The following PCDH15 variants were observed in gnomAD, a reference collection of about 807,000 sequenced individuals.
PCDH15 encodes protocadherin-15.
Under a neutral mutation model 178.5 loss-of-function variants are expected in PCDH15, and 129 were observed. The observed-to-expected ratio is 0.72, with a 90% confidence interval of 0.63 to 0.84. The LOEUF is 0.84. Among genes scored for constraint, PCDH15 ranks in the 40% least tolerant of loss-of-function variants. The probability of loss-of-function intolerance (pLI) is 0.00; values close to 1 mark genes in which losing one functional copy is unlikely to be tolerated. For missense variants in PCDH15, 2,230 were observed against 2,099.9 expected, an observed-to-expected ratio of 1.06 and a Z score of -1.21; for synonymous variants, 800 against 732.0, an observed-to-expected ratio of 1.09 and a Z score of -1.50.
intron 2 of PCDH15, chr10:55,599,565 A>G (rs1843023173): frequency 6.2e-6 from 1 of 160,026 alleles, no homozygotes. Context: ...TAGAAGCAAT[A>G]ATGTTAGTGT....
chr10:54,694,047 A>C (rs2095177367), intron 1 of PCDH15, among the ~76,000 whole-genome samples: 1 of 152,132 alleles, frequency 6.6e-6, no homozygotes, highest in African/African-American at 2.4e-5. Context: ...TCACCTATAA[A>C]ATTTGGGACA....
At chr10:55,337,466 C>T (rs1181200735) in intron 2 of PCDH15, among the ~76,000 whole-genome samples, 1 of 152,168 alleles carries the variant, frequency 6.6e-6, no homozygotes, top group Non-Finnish European at 1.5e-5. Context: ...CCATTTATTC[C>T]TTCTTCCAAT....
intron 2 of PCDH15, among the ~76,000 whole-genome samples, chr10:55,480,819 A>T (rs1393006992): frequency 6.6e-6 from 1 of 151,628 alleles, no homozygotes; most frequent in Non-Finnish European, 1.5e-5. Context: ...TATTTCTGTC[A>T]GGATTTGGTA....
At chr10:54,618,617 T>C (rs903105776) in intron 2 of PCDH15, among the ~76,000 whole-genome samples, 2 of 152,092 alleles carry the variant, frequency 1.3e-5, no homozygotes, top group African/African-American at 2.4e-5. Flanking sequence ...TGTATGTAAA[T>C]AGACATACAT....
chr10:55,594,026 C>G (rs1179065672), intron 2 of PCDH15, among the ~76,000 whole-genome samples: 2 of 151,836 alleles, frequency 1.3e-5, no homozygotes, highest in African/African-American at 4.8e-5. Flanking sequence ...GTGTCCTAAA[C>G]TGAAAAGTGT....
At chr10:55,614,772 T>C (rs1353153089) in intron 2 of PCDH15, among the ~76,000 whole-genome samples, 7 of 152,204 alleles carry the variant, frequency 4.6e-5, no homozygotes, top group African/African-American at 4.8e-5. Flanking sequence ...TTTATTTCTA[T>C]AGCTTTTTGT....
chr10:54,849,081 G>A (rs985243775), intron 3 of PCDH15, among the ~76,000 whole-genome samples: 2 of 151,706 alleles, frequency 1.3e-5, no homozygotes, highest in Non-Finnish European at 2.9e-5. Context: ...GCTAAATTAC[G>A]TGTTTCCCTT....
intron 2 of PCDH15, among the ~76,000 whole-genome samples, chr10:55,503,747 C>A (rs146627099): frequency 4.7e-4 from 71 of 151,416 alleles, no homozygotes; most frequent in African/African-American, 1.7e-3. Flanking sequence ...ATGAAAATTA[C>A]CACAATCCAG....
chr10:54,129,682 C>A (rs12266947), intron 15 of PCDH15, among the ~76,000 whole-genome samples: 2,605 of 152,170 alleles, frequency 0.017, 90 homozygotes, highest in African/African-American at 0.058. Context: ...AGCTCCCTGG[C>A]GGTAAACAGG....
intron 1 of PCDH15, among the ~76,000 whole-genome samples, chr10:55,275,603 T>C (rs1842571594): frequency 1.3e-5 from 2 of 151,958 alleles, no homozygotes; most frequent in Non-Finnish European, 2.9e-5. Flanking sequence ...GTATATTCTT[T>C]TTTGTTTCAT....
intron 1 of PCDH15, among the ~76,000 whole-genome samples, chr10:55,192,741 C>A (rs11004771): frequency 0.58 from 85,322 of 146,976 alleles, 25,157 homozygotes; most frequent in East Asian, 0.83. Context: ...CTCTCTCTCT[C>A]TATATATATA....
At chr10:55,386,474 T>C (rs1837662284) in intron 2 of PCDH15, among the ~76,000 whole-genome samples, 1 of 152,050 alleles carries the variant, frequency 6.6e-6, no homozygotes, top group Non-Finnish European at 1.5e-5. Flanking sequence ...CATCTCACTA[T>C]TGTATTGGAG....
chr10:55,233,750 T>C (rs913897470), intron 1 of PCDH15, among the ~76,000 whole-genome samples: 1 of 152,114 alleles, frequency 6.6e-6, no homozygotes, highest in Non-Finnish European at 1.5e-5. Context: ...ATTCACCAGA[T>C]GTAAAGCATT....
At chr10:54,230,499 G>A (rs1404359776) in intron 9 of PCDH15, among the ~76,000 whole-genome samples, 5 of 152,246 alleles carry the variant, frequency 3.3e-5, no homozygotes, top group Non-Finnish European at 7.4e-5. Flanking sequence ...TTGGGCCCAT[G>A]AACATTTTCA....
At chr10:54,781,190 A>G (rs1950325794) in intron 1 of PCDH15, among the ~76,000 whole-genome samples, 1 of 152,018 alleles carries the variant, frequency 6.6e-6, no homozygotes, top group Non-Finnish European at 1.5e-5. Flanking sequence ...TTATACTTTA[A>G]GTTCTGGGGT....
intron 2 of PCDH15, among the ~76,000 whole-genome samples, chr10:55,093,873 A>C (rs1842379157): frequency 6.6e-6 from 1 of 152,168 alleles, no homozygotes; most frequent in Non-Finnish European, 1.5e-5. Context: ...AATGGTGATC[A>C]TTAAAAAGTC....
chr10:54,856,577 T>C (rs1346107848), intron 3 of PCDH15, among the ~76,000 whole-genome samples: 5 of 152,156 alleles, frequency 3.3e-5, no homozygotes, highest in Admixed American at 6.6e-5. Context: ...TCCCTAATAT[T>C]CAAGCCACAA....
chr10:54,175,916 C>T (rs1484144358), intron 13 of PCDH15, among the ~76,000 whole-genome samples: 1 of 151,838 alleles, frequency 6.6e-6, no homozygotes, highest in African/African-American at 2.4e-5. Context: ...ATAGGTATAC[C>T]TATGATATAG....
chr10:54,845,292 A>G (rs2131757055), intron 3 of PCDH15, among the ~76,000 whole-genome samples: 1 of 152,140 alleles, frequency 6.6e-6, no homozygotes, highest in South Asian at 2.1e-4. Context: ...GAGAAAACTA[A>G]GGGTTTTCTG....
Sources: allele counts gnomAD v4.1 joint callset (sites outside exome capture counted in the v4.1 genomes callset), GRCh38; gene constraint gnomAD v4.1.1; transcripts MANE v1.5; gene names NCBI Gene and HGNC (gene_info 2026-07-23, HGNC 2026-07-21).